ADAMTS9: variants seen among roughly 807,000 people sequenced by gnomAD.
ADAMTS9 encodes the protein A disintegrin and metalloproteinase with thrombospondin motifs 9.
In ADAMTS9, 107 loss-of-function variants were observed where a neutral mutation model predicts 257.1. The ratio of observed to expected loss-of-function variants is 0.42; its 90% CI spans 0.36 to 0.49. ADAMTS9 has a LOEUF of 0.49. ADAMTS9 is among the 20% of genes least tolerant of loss of function. The pLI, the probability that ADAMTS9 is intolerant of heterozygous loss-of-function variation, is 0.03. For missense variants in ADAMTS9, 2,353 were observed against 2,469.1 expected (o/e 0.95, Z 1.00); for synonymous variants, 982 against 880.9 (o/e 1.11, Z -2.03).
intron 3 of ADAMTS9, among the ~76,000 whole-genome samples, chr3:64,668,578 G>A (rs1297846568): frequency 6.6e-6 from 1 of 152,170 alleles, no homozygotes; most frequent in African/African-American, 2.4e-5. Flanking sequence ...GATAGTTCAT[G>A]CCTAATAGGG....
At chr3:64,648,083 A>AT in intron 10 of ADAMTS9, 39 bp from the exon 11 acceptor site, 1 of 1,565,544 alleles carries the variant, frequency 6.4e-7, no homozygotes, top group South Asian at 1.1e-5. Context: ...GTGACAAGTG[A>AT]TTTATTTGGC....
At chr3:64,649,892 T>C in intron 9 of ADAMTS9, 114 bp from the exon 10 acceptor site, 1 of 1,279,198 alleles carries the variant, frequency 7.8e-7, no homozygotes, top group Non-Finnish European at 1.1e-6. Context: ...CAGTTACTTT[T>C]TAACATGTGC....
intron 28 of ADAMTS9, chr3:64,583,612 CA>C (rs1272886623): frequency 6.6e-6 from 1 of 152,224 alleles, no homozygotes; most frequent in Non-Finnish European, 1.5e-5. Flanking sequence ...CCTGCATCCC[CA>C]TTGTAACAAC....
At chr3:64,637,885 T>G (rs578098634) in intron 12 of ADAMTS9, among the ~76,000 whole-genome samples, 7 of 152,302 alleles carry the variant, frequency 4.6e-5, no homozygotes, top group Admixed American at 4.6e-4. Flanking sequence ...TACTTATTCA[T>G]TAGTTAATGG....
rs779284125 is a variant in ADAMTS9, at chr3:64,651,041, C to T, written c.1439G>A (p.Arg480Gln). Residue 480 changes from arginine to glutamine, a missense_variant, in exon 9 of 40, where the codon CGA becomes CAA. Physicochemically the swap from Arg to Gln is conservative, Grantham distance 43. Coordinates refer to ENST00000498707, the MANE Select transcript of ADAMTS9 (RefSeq NM_182920.2). ...TNPWMWSKCS[R>Q]KYITEFLDTG... ...CTCTAAAAACTCAGTGATATATTTT[C>T]GACTACACTTTGACCACATCCAGGG... 89 of 1,605,314 alleles carry T rather than the reference C, an allele frequency of 5.5e-5. 1 individual carries two copies. The highest frequency in any genetic ancestry group is 2.4e-4 in the African/African-American group (18 of 74,330).
chr3:64,543,475 A>G (rs1415472896), intron 32 of ADAMTS9, among the ~76,000 whole-genome samples: 1 of 152,256 alleles, frequency 6.6e-6, no homozygotes, highest in Non-Finnish European at 1.5e-5. Flanking sequence ...ATGCAAATCA[A>G]TAAACGTAAT....
At chr3:64,551,146 G>A in intron 30 of ADAMTS9, 84 bp from the exon 31 acceptor site, 1 of 1,453,312 alleles carries the variant, frequency 6.9e-7, no homozygotes, top group Non-Finnish European at 9.4e-7. Flanking sequence ...TGTCTACATA[G>A]CCTTTAAGAT....
At chr3:64,542,066 C>T (rs1311187890) in intron 32 of ADAMTS9, 96 bp from the exon 33 acceptor site, 2 of 1,509,362 alleles carry the variant, frequency 1.3e-6, no homozygotes, top group Middle Eastern at 2.1e-4. Flanking sequence ...TCATCATGTA[C>T]AGGGTGTCAC....
intron 30 of ADAMTS9, among the ~76,000 whole-genome samples, chr3:64,553,030 C>CTT (rs796880612): frequency 1.4e-5 from 2 of 147,030 alleles, no homozygotes; most frequent in African/African-American, 5.0e-5. Flanking sequence ...TGCCCTATGT[C>CTT]TTTTTTTTTT....
intron 12 of ADAMTS9, among the ~76,000 whole-genome samples, chr3:64,634,564 A>G (rs1323514175): frequency 1.3e-5 from 2 of 152,238 alleles, no homozygotes; most frequent in African/African-American, 4.8e-5. Context: ...TCACAGTGCA[A>G]ATTTAATCTC....
chr3:64,620,550 G>C (rs1399120790), intron 19 of ADAMTS9, among the ~76,000 whole-genome samples: 3 of 152,262 alleles, frequency 2.0e-5, no homozygotes, highest in Non-Finnish European at 4.4e-5. Context: ...AAAAGCTTCA[G>C]AATGCTCTAC....
chr3:64,561,735 C>T lies in ADAMTS9; in HGVS notation c.4541G>A (p.Gly1514Asp), dbSNP rs1204190620. The change falls in exon 30 of 40, where the codon GGC becomes GAC. Residue 1514 changes from glycine to aspartate, a missense_variant. By Grantham distance (94) the Gly-to-Asp change is moderately conservative. Coordinates refer to ENST00000498707, the MANE Select transcript of ADAMTS9 (RefSeq NM_182920.2). ...GAWSQCSVSCGRGVQQRHVGC... is the reference protein window; with the variant it reads ...GAWSQCSVSCDRGVQQRHVGC... The stretch of plus-strand genomic sequence containing the variant: ...CACATGCCTCTGCTGTACGCCTCGG[C>T]CACAGGACACAGAGCACTAAGAAGA... 1.9e-6 allele frequency: 3 copies of T among 1,613,132 alleles called. No homozygotes were observed. The highest frequency in any genetic ancestry group is 2.5e-6 in the Non-Finnish European group (3 of 1,179,712).
chr3:64,529,388 T>C (rs2082949290), intron 38 of ADAMTS9, among the ~76,000 whole-genome samples: 1 of 152,186 alleles, frequency 6.6e-6, no homozygotes, highest in Non-Finnish European at 1.5e-5. Flanking sequence ...AAACATTTTA[T>C]TGCCAAGGAG....
chr3:64,662,492 G>A lies in ADAMTS9; in HGVS notation c.680-3701C>T, dbSNP rs186384549. 1.3e-3 allele frequency among the ~76,000 whole-genome samples: 195 copies of A among 152,078 alleles called. 4 individuals are homozygous for A. The highest frequency in any genetic ancestry group is 1.5e-3 in the Non-Finnish European group (100 of 67,974). ...GGCTGCTCTATCCATTATTGAAAGC[G>A]GGGTGCTGAAGTTTCCAATTATTGT... On this transcript the variant is annotated intron_variant, in intron 3 of 39. Coordinates refer to ENST00000498707, the MANE Select transcript of ADAMTS9 (RefSeq NM_182920.2).
chr3:64,656,058 C>T (rs1252774652), intron 4 of ADAMTS9, 183 bp from the exon 5 acceptor site: 1 of 512,394 alleles, frequency 2.0e-6, no homozygotes, highest in East Asian at 3.2e-5. Context: ...ATTCATAGAT[C>T]ACAGTTTTAG....
At chr3:64,555,374 GTCAT>G (rs200769408) in intron 30 of ADAMTS9, among the ~76,000 whole-genome samples, 5,391 of 149,792 alleles carry the variant, frequency 0.036, 293 homozygotes, top group African/African-American at 0.13. Context: ...TAACTTTAAA[GTCAT>G]TCATTCATTC....
chr3:64,518,175 T>G (rs1311652540), intron 39 of ADAMTS9, among the ~76,000 whole-genome samples: 1 of 152,206 alleles, frequency 6.6e-6, no homozygotes, highest in East Asian at 1.9e-4. Context: ...TGCTGATTGA[T>G]GAAGAAAGAG....
At position 64,651,071 on chromosome 3, in the gene ADAMTS9, G is replaced by T. The variant is rs1700920789; in HGVS notation, c.1409C>A (p.Thr470Asn). The T allele has an allele frequency of 2.6e-5, 42 of 1,608,340 alleles. No individual in the cohort carries two copies. Among genetic ancestry groups the T allele is most frequent in the Non-Finnish European group, 3.4e-5 (40 of 1,178,214 alleles). Residue 470 changes from threonine to asparagine, a missense_variant, in exon 9 of 40, where the codon ACC becomes AAC. By Grantham distance (65) the Thr-to-Asn change is moderately conservative. Around this residue, in one of 3 missense-constraint regions of ADAMTS9, gnomAD observed 360 missense variants for 458.1 expected, o/e 0.79. Transcript: ENST00000498707. ...ACACTTTGACCACATCCAGGGGTTGGTGTAGAAGTTCAGTGTTGGAGCCAT... is the reference window on the plus strand; with the variant it reads ...ACACTTTGACCACATCCAGGGGTTGTTGTAGAAGTTCAGTGTTGGAGCCAT... ...HVMAPTLNFY[T>N]NPWMWSKCSR...
chr3:64,546,685 T>C, intron 32 of ADAMTS9, 73 bp downstream of exon 32: 1 of 1,456,256 alleles, frequency 6.9e-7, no homozygotes. Context: ...GGAGAGCGGG[T>C]TAGGCAGGAC....
Sources: gnomAD v4.1 joint callset for allele counts (sites outside exome capture counted in the v4.1 genomes callset) on GRCh38, gnomAD v4.1.1 for gene constraint, gnomAD v4.1.1 regional missense constraint, MANE v1.5 for transcripts, NCBI Gene and HGNC (gene_info 2026-07-23, HGNC 2026-07-21) for gene names.